STX2: variants seen among roughly 807,000 people sequenced by gnomAD.
STX2 encodes syntaxin-2.
A neutral mutation model predicts 40.6 loss-of-function variants in STX2; 27 were observed. The observed-to-expected ratio is 0.66, with a 90% CI of 0.49 to 0.92. The LOEUF (loss-of-function observed/expected upper bound fraction) is 0.92. STX2 is among the 40% of genes least tolerant of loss of function. STX2 has a pLI of 0.00. For missense variants in STX2, 328 were observed against 366.1 expected (o/e 0.90, Z 0.85); for synonymous variants, 123 against 119.1 (o/e 1.03, Z -0.22).
At chr12:130,798,072 A>G (rs1250612663) in intron 9 of STX2, among the ~76,000 whole-genome samples, 1 of 152,162 alleles carries the variant, frequency 6.6e-6, no homozygotes, top group Non-Finnish European at 1.5e-5. Flanking sequence ...ACATGGTGAA[A>G]CCCTCTCTCT....
intron 4 of STX2, among the ~76,000 whole-genome samples, chr12:130,810,005 C>G (rs1800211661): frequency 6.6e-6 from 1 of 152,110 alleles, no homozygotes; most frequent in Non-Finnish European, 1.5e-5. Context: ...CTGGCCAGCA[C>G]AGCAAGACCC....
chr12:130,805,231 C>A (rs999104023), intron 6 of STX2, among the ~76,000 whole-genome samples: 1 of 152,170 alleles, frequency 6.6e-6, no homozygotes, highest in South Asian at 2.1e-4. Context: ...CAACAGGGAC[C>A]GTATTTTCCC....
chr12:130,795,264 T>C lies in STX2; in HGVS notation c.*45+731A>G, dbSNP rs113874837. ...CAATGTTTTTCTCAGCGTTCATCCA[T>C]GCCCTCGATTCCATAGTAAAATGAT... On this transcript the variant is annotated intron_variant, in intron 10 of 10. Coordinates refer to ENST00000392373, the MANE Select transcript of STX2 (RefSeq NM_194356.4). Among the ~76,000 whole-genome samples, 797 of 152,352 alleles carry C rather than the reference T, an allele frequency of 5.2e-3. 8 individuals carry two copies. The highest frequency in any genetic ancestry group is 0.018 in the African/African-American group (750 of 41,580).
At chr12:130,795,534 A>G (rs1019304707) in intron 10 of STX2, among the ~76,000 whole-genome samples, 1 of 152,168 alleles carries the variant, frequency 6.6e-6, no homozygotes, top group Non-Finnish European at 1.5e-5. Context: ...GGAATTCGAG[A>G]CCAGCCTGGG....
rs765676635 is a variant in STX2 at position 130,807,033 on chromosome 12, T to C, written c.412A>G (p.Thr138Ala). 4.9e-5 allele frequency: 79 copies of C among 1,614,172 alleles called. 1 individual carries two copies. In the South Asian group the frequency reaches 8.7e-4, roughly 18 times the overall value. Residue 138 changes from threonine (T) to alanine (A), a missense_variant, in exon 6 of 11, where the codon ACT becomes GCT. Thr to Ala is a moderately conservative substitution (Grantham distance 58, BLOSUM62 0). Transcript: ENST00000392373. ...CCTTTGCTCCGCTCCCGAAACAGAG[T>C]CTGTGCCTCATTGTACTCCGCCATG... ...EAMAEYNEAQTLFRERSKGRI... is the reference protein window; with the variant it reads ...EAMAEYNEAQALFRERSKGRI...
intron 2 of STX2, among the ~76,000 whole-genome samples, chr12:130,822,467 C>CTA (rs1565929256): frequency 6.6e-6 from 1 of 152,028 alleles, no homozygotes; most frequent in Non-Finnish European, 1.5e-5. Context: ...GAGGAGGTAT[C>CTA]TATAGCTCAT....
intron 6 of STX2, among the ~76,000 whole-genome samples, chr12:130,804,041 T>C (rs1228162588): frequency 2.6e-5 from 4 of 152,212 alleles, no homozygotes; most frequent in African/African-American, 2.4e-5. Context: ...ACACCTCTTA[T>C]ACATTGTACT....
At chr12:130,805,872 C>G (rs1210677725) in intron 6 of STX2, among the ~76,000 whole-genome samples, 1 of 152,128 alleles carries the variant, frequency 6.6e-6, no homozygotes, top group East Asian at 1.9e-4. Context: ...AAAACACAAG[C>G]CACAGAAAGG....
chr12:130,828,867 C>CAAAAA (rs71451381), intron 1 of STX2, among the ~76,000 whole-genome samples: 14 of 121,604 alleles, frequency 1.2e-4, no homozygotes, highest in South Asian at 5.4e-4. Context: ...GACTCTGTCT[C>CAAAAA]AAAAAAAAAA....
chr12:130,804,266 G>T (rs73473034), intron 6 of STX2, among the ~76,000 whole-genome samples: 1 of 152,286 alleles, frequency 6.6e-6, no homozygotes, highest in African/African-American at 2.4e-5. Flanking sequence ...AGAAAGAAAG[G>T]GGACAAAATG....
rs1263924231 is a variant in STX2 at position 130,789,723 on chromosome 12, T to G, written c.*2300A>C. The G allele has an allele frequency of 6.6e-6, 1 of 152,610 alleles. No homozygotes were observed. Among genetic ancestry groups the G allele is most frequent in the Non-Finnish European group, 1.5e-5 (1 of 68,028 alleles). The allele number at this position is 152,610 out of a possible 1,614,324, so 9.5% of individuals were successfully genotyped here. A position where few individuals can be genotyped will look rare whatever the true frequency, so the allele number is the denominator to read the frequency against. ...TCTCTGGAAATTTTTAATGTAAACATGAAATATTTGAAGAACCGATTAAAA... is the reference window on the plus strand; with the variant it reads ...TCTCTGGAAATTTTTAATGTAAACAGGAAATATTTGAAGAACCGATTAAAA... On this transcript the variant is annotated 3_prime_UTR_variant, in exon 11 of 11. Transcript: ENST00000392373.
chr12:130,804,757 A>G lies in STX2; in HGVS notation c.463+2225T>C, dbSNP rs146241707. ...TAGCCACATGGAGGGTTTAGAATTTAACAGACTTAAAGGAATTACTAAAAA... is the reference window on the plus strand; with the variant it reads ...TAGCCACATGGAGGGTTTAGAATTTGACAGACTTAAAGGAATTACTAAAAA... On this transcript the variant is annotated intron_variant, in intron 6 of 10. Transcript: ENST00000392373. 2.4e-4 allele frequency among the ~76,000 whole-genome samples: 36 copies of G among 151,612 alleles called. No homozygotes were observed. The East Asian group carries it at 6.6e-3, about 28-fold the overall frequency.
intron 1 of STX2, among the ~76,000 whole-genome samples, chr12:130,830,684 A>AAAAAC (rs1211682822): frequency 1.3e-5 from 2 of 152,222 alleles, no homozygotes; most frequent in Non-Finnish European, 2.9e-5. Flanking sequence ...TTCCATTCAA[A>AAAAAC]AAAACAAAAC....
rs561165217 is a variant in STX2 at position 130,816,554 on chromosome 12, T to A, written c.206-3523A>T. The stretch of plus-strand genomic sequence containing the variant: ...GACCAGACGGGGATCAGGAACCTCC[T>A]CTTCCAGCGGCCTAGGTGATTCAGC... On this transcript the variant is annotated intron_variant, in intron 3 of 10. Transcript: ENST00000392373. 2.6e-5 allele frequency among the ~76,000 whole-genome samples: 4 copies of A among 152,350 alleles called. No individual in the cohort carries two copies. In the South Asian group the frequency reaches 8.3e-4, roughly 32 times the overall value.
At chr12:130,820,749 A>G (rs1426517406) in intron 3 of STX2, among the ~76,000 whole-genome samples, 1 of 152,196 alleles carries the variant, frequency 6.6e-6, no homozygotes, top group Non-Finnish European at 1.5e-5. Context: ...CTAGGAATAA[A>G]TACAACGAAA....
intron 9 of STX2, among the ~76,000 whole-genome samples, chr12:130,796,501 A>T (rs2137011967): frequency 6.6e-6 from 1 of 152,302 alleles, no homozygotes; most frequent in Non-Finnish European, 1.5e-5. Context: ...AATAAAATAA[A>T]ATAAAGCAAA....
intron 3 of STX2, among the ~76,000 whole-genome samples, chr12:130,814,240 GC>G (rs1951769963): frequency 6.6e-6 from 1 of 151,994 alleles, no homozygotes. Flanking sequence ...TAACAAGACC[GC>G]CAGGGACCTA....
At chr12:130,816,078 C>T (rs1004327711) in intron 3 of STX2, among the ~76,000 whole-genome samples, 1 of 152,118 alleles carries the variant, frequency 6.6e-6, no homozygotes, top group African/African-American at 2.4e-5. Context: ...GATGCAAACA[C>T]CCCCAAGGCC....
intron 3 of STX2, among the ~76,000 whole-genome samples, chr12:130,814,102 C>T (rs1353522889): frequency 1.3e-5 from 2 of 152,144 alleles, no homozygotes; most frequent in Non-Finnish European, 2.9e-5. Flanking sequence ...AGTCATCAGA[C>T]GCAGCCTGGC....
Sources: gnomAD v4.1 joint callset for allele counts (sites outside exome capture counted in the v4.1 genomes callset) on GRCh38, gnomAD v4.1.1 for gene constraint, MANE v1.5 for transcripts, NCBI Gene and HGNC (gene_info 2026-07-23, HGNC 2026-07-21) for gene names.